MEI4: variants seen among roughly 807,000 people sequenced by gnomAD.
MEI4 encodes meiosis-specific protein MEI4.
Under a neutral mutation model 31.4 loss-of-function variants are expected in MEI4, and 27 were observed. That is an observed-to-expected ratio of 0.86 (90% CI 0.63 to 1.19). MEI4 has a LOEUF of 1.19. MEI4 is among the 50% of genes most tolerant of loss of function. The pLI is 0.00. For synonymous variants in MEI4, 122 were observed against 145.4 expected, an observed-to-expected ratio of 0.84 and a Z score of 1.16; for missense variants, 329 against 398.9, an observed-to-expected ratio of 0.82 and a Z score of 1.49.
intron 4 of MEI4, among the ~76,000 whole-genome samples, chr6:77,832,351 T>C (rs1770103902): frequency 6.6e-6 from 1 of 151,988 alleles, no homozygotes; most frequent in African/African-American, 2.4e-5. Flanking sequence ...TGTGTATGTA[T>C]ATATATGTAT....
chr6:77,747,326 AG>A lies in MEI4; in HGVS notation c.233-13803del, dbSNP rs1287212952. Among the ~76,000 whole-genome samples, 209 of 152,300 alleles carry A rather than the reference AG, an allele frequency of 1.4e-3. 1 individual carries two copies. Among genetic ancestry groups the A allele is most frequent in the African/African-American group, 4.4e-3 (185 of 41,576 alleles). The stretch of plus-strand genomic sequence containing the variant: ...GACTCAAGACTCCATCTAAAAAAAA[AG>A]AAAAAGAGAAAGGACTGCCTGGAGA... On this transcript the variant is annotated intron_variant, in intron 2 of 4. Transcript: ENST00000684080.
intron 4 of MEI4, among the ~76,000 whole-genome samples, chr6:77,856,206 T>A (rs1562013731): frequency 2.0e-5 from 3 of 152,210 alleles, no homozygotes; most frequent in African/African-American, 7.2e-5. Context: ...CCCGTCTGCC[T>A]TTTCAGCCTC....
intron 1 of MEI4, among the ~76,000 whole-genome samples, chr6:77,667,492 C>A (rs1768661438): frequency 6.6e-6 from 1 of 152,168 alleles, no homozygotes; most frequent in Non-Finnish European, 1.5e-5. Context: ...ATTTCACTCA[C>A]AACCCTTTAT....
chr6:77,749,851 G>T (rs1394587787), intron 2 of MEI4, among the ~76,000 whole-genome samples: 1 of 152,172 alleles, frequency 6.6e-6, no homozygotes, highest in Non-Finnish European at 1.5e-5. Context: ...GGGAAAAAAT[G>T]TTAAGGGCAG....
At chr6:77,836,502 T>G (rs930110883) in intron 4 of MEI4, among the ~76,000 whole-genome samples, 1 of 152,128 alleles carries the variant, frequency 6.6e-6, no homozygotes, top group Non-Finnish European at 1.5e-5. Context: ...TTTTTACTTT[T>G]CTCTGTTTTC....
At chr6:77,695,000 T>G (rs1765982696) in intron 2 of MEI4, among the ~76,000 whole-genome samples, 1 of 152,086 alleles carries the variant, frequency 6.6e-6, no homozygotes, top group African/African-American at 2.4e-5. Context: ...GATTTGCATT[T>G]CTCTGATGGC....
chr6:77,867,036 C>G (rs1352450337), intron 4 of MEI4, among the ~76,000 whole-genome samples: 3 of 152,148 alleles, frequency 2.0e-5, no homozygotes, highest in Admixed American at 2.0e-4. Flanking sequence ...AAAGCTGAAA[C>G]TGGATCTCTT....
intron 2 of MEI4, among the ~76,000 whole-genome samples, chr6:77,735,695 A>T (rs910754397): frequency 6.6e-6 from 1 of 151,964 alleles, no homozygotes; most frequent in African/African-American, 2.4e-5. Context: ...GTTCCTTTGG[A>T]GGAGGAGAGG....
rs536671227 is a variant in MEI4 at position 77,770,842 on chromosome 6, A to AG, written c.768+9178dup. On this transcript the variant is annotated intron_variant, in intron 3 of 4. Coordinates refer to ENST00000684080, the MANE Select transcript of MEI4 (RefSeq NM_001322247.2). Reference sequence around the variant, plus strand: ...AAAAAATAACTGCTAAAACCCTGGGAGATGACCTAGGAAATACCATTCTGG... The same window carrying AG: ...AAAAAATAACTGCTAAAACCCTGGGAGGATGACCTAGGAAATACCATTCTGG... Among the ~76,000 whole-genome samples, 8 of 152,320 alleles carry AG rather than the reference A, an allele frequency of 5.3e-5. No individual in the cohort carries two copies. In the East Asian group the frequency reaches 1.5e-3, roughly 29 times the overall value.
At chr6:77,669,544 A>G (rs2446252) in intron 1 of MEI4, among the ~76,000 whole-genome samples, 1,557 of 152,162 alleles carry the variant, frequency 0.01, 26 homozygotes, top group African/African-American at 0.035. Flanking sequence ...GTAATTGACT[A>G]TGCTGTAAGA....
At chr6:77,703,885 C>G (rs995934813) in intron 2 of MEI4, among the ~76,000 whole-genome samples, 1 of 152,156 alleles carries the variant, frequency 6.6e-6, no homozygotes, top group South Asian at 2.1e-4. Flanking sequence ...GCTGCTGGTC[C>G]GAGAACCACT....
intron 2 of MEI4, among the ~76,000 whole-genome samples, chr6:77,740,183 GTTC>G (rs1561967751): frequency 1.3e-5 from 2 of 152,154 alleles, no homozygotes; most frequent in Admixed American, 6.5e-5. Context: ...TATGATTTCA[GTTC>G]TTCTGCATTT....
At chr6:77,846,846 G>A (rs1770499116) in intron 4 of MEI4, among the ~76,000 whole-genome samples, 1 of 152,156 alleles carries the variant, frequency 6.6e-6, no homozygotes, top group Non-Finnish European at 1.5e-5. Context: ...GTTACATCTT[G>A]CAGTATACAG....
In MEI4 at chr6:77,761,223, A is replaced by T. The variant is rs1303186410; in HGVS notation, c.326A>T (p.Glu109Val). Residue 109 changes from glutamate to valine, a missense_variant, in exon 3 of 5, where the codon GAG becomes GTG. Glu to Val is a moderately radical substitution (Grantham distance 121, BLOSUM62 -2). Coordinates refer to ENST00000684080, the MANE Select transcript of MEI4 (RefSeq NM_001322247.2). The stretch of plus-strand genomic sequence containing the variant: ...GATTCTGGATGTGATTTGTCGAATG[A>T]GCAGAGAACTGAATCCTCAGACCTG... ...MEDSGCDLSN[E>V]QRTESSDLSQ... The T allele has an allele frequency of 1.6e-6, 2 of 1,232,366 alleles. No individual in the cohort carries two copies. The highest frequency in any genetic ancestry group is 2.0e-6 in the Non-Finnish European group (2 of 988,030). The allele number at this position is 1,232,366 out of a possible 1,614,324, so 76.3% of individuals were successfully genotyped here. A position where few individuals can be genotyped will look rare whatever the true frequency, so the allele number is the denominator to read the frequency against.
intron 3 of MEI4, among the ~76,000 whole-genome samples, chr6:77,827,979 A>G (rs1292790266): frequency 6.6e-6 from 1 of 151,984 alleles, no homozygotes; most frequent in Non-Finnish European, 1.5e-5. Context: ...CTAGAAAAAT[A>G]TATTTTATTT....
At chr6:77,795,892 C>T (rs989370802) in intron 3 of MEI4, among the ~76,000 whole-genome samples, 19 of 152,114 alleles carry the variant, frequency 1.2e-4, no homozygotes, top group South Asian at 2.1e-4. Context: ...GTGAACACTT[C>T]GAAACTCATT....
chr6:77,849,742 A>G (rs191384974), intron 4 of MEI4, among the ~76,000 whole-genome samples: 211 of 152,310 alleles, frequency 1.4e-3, no homozygotes, highest in African/African-American at 4.5e-3. Context: ...CTGGAATGCC[A>G]AAGTAGCAAC....
intron 4 of MEI4, among the ~76,000 whole-genome samples, chr6:77,878,327 A>G (rs1240187697): frequency 6.6e-6 from 1 of 152,180 alleles, no homozygotes; most frequent in African/African-American, 2.4e-5. Context: ...ATGAAGTGTT[A>G]AATAAATCAT....
intron 3 of MEI4, among the ~76,000 whole-genome samples, chr6:77,770,893 T>C (rs1429388210): frequency 6.6e-6 from 1 of 152,070 alleles, no homozygotes; most frequent in East Asian, 1.9e-4. Flanking sequence ...AATTTCATGC[T>C]GAAGACACCA....
Sources: allele counts gnomAD v4.1 joint callset (sites outside exome capture counted in the v4.1 genomes callset), GRCh38; gene constraint gnomAD v4.1.1; transcripts MANE v1.5; gene names NCBI Gene and HGNC (gene_info 2026-07-23, HGNC 2026-07-21).